ZBTB20: variants seen among roughly 807,000 people sequenced by gnomAD.
The protein encoded by ZBTB20 is zinc finger and BTB domain containing 20.
In ZBTB20, 9 loss-of-function variants were observed where a neutral mutation model predicts 56.9. That is an observed-to-expected ratio of 0.16 (90% CI 0.10 to 0.28). The LOEUF (loss-of-function observed/expected upper bound fraction) is 0.28. ZBTB20 is among the 10% of genes least tolerant of loss of function. ZBTB20 has a pLI of 1.00. For synonymous variants in ZBTB20, 417 were observed against 420.7 expected (o/e 0.99, Z 0.11); for missense variants, 655 against 1,003.0 (o/e 0.65, Z 4.69).
chr3:114,997,917 A>G (rs2079092108), intron 2 of ZBTB20, among the ~76,000 whole-genome samples: 4 of 151,680 alleles, frequency 2.6e-5, no homozygotes, highest in Admixed American at 2.6e-4. Context: ...GAAGGAGCAA[A>G]GGTAGAAAGG....
intron 6 of ZBTB20, among the ~76,000 whole-genome samples, chr3:114,647,324 A>G (rs1019073794): frequency 6.6e-6 from 1 of 152,220 alleles, no homozygotes; most frequent in Non-Finnish European, 1.5e-5. Flanking sequence ...TAAAGGTAAA[A>G]TTATCATAGA....
chr3:114,327,024 A>G lies in ZBTB20; in HGVS notation c.*11981T>C, dbSNP rs760210987. 3 of 152,120 alleles carry G rather than the reference A, an allele frequency of 2.0e-5. No individual in the cohort carries two copies. Among genetic ancestry groups the G allele is most frequent in the Non-Finnish European group, 4.4e-5 (3 of 68,020 alleles). The allele number at this position is 152,120 out of a possible 1,614,324, so 9.4% of individuals were successfully genotyped here. On this transcript the variant is annotated 3_prime_UTR_variant, in exon 12 of 12. Transcript: ENST00000675478. ...GAAAAGAAGAAAAAAAAATCTTCCT[A>G]TCCTCACGAATATATACTATAGTGT...
chr3:115,097,353 A>ATT (rs897508602), intron 1 of ZBTB20, among the ~76,000 whole-genome samples: 1 of 146,882 alleles, frequency 6.8e-6, no homozygotes, highest in Admixed American at 6.8e-5. Flanking sequence ...TAGTTTTTGT[A>ATT]TTTTTTTTTT....
chr3:114,802,724 A>G (rs758314430), intron 4 of ZBTB20, among the ~76,000 whole-genome samples: 3 of 151,906 alleles, frequency 2.0e-5, no homozygotes, highest in African/African-American at 4.8e-5. Flanking sequence ...GAATAACAAT[A>G]ATCTCTGAAA....
At chr3:114,645,317 T>C (rs879459176) in intron 6 of ZBTB20, among the ~76,000 whole-genome samples, 1 of 152,184 alleles carries the variant, frequency 6.6e-6, no homozygotes, top group Non-Finnish European at 1.5e-5. Flanking sequence ...ATAATTACTA[T>C]ATGTGATTAC....
chr3:114,659,033 G>A (rs937565279), intron 6 of ZBTB20, among the ~76,000 whole-genome samples: 1 of 152,172 alleles, frequency 6.6e-6, no homozygotes, highest in East Asian at 1.9e-4. Context: ...CTTCATCCAG[G>A]TTATCTCGTC....
At chr3:114,356,216 T>C (rs1324588293) in intron 10 of ZBTB20, 1 of 151,950 alleles carries the variant, frequency 6.6e-6, no homozygotes, top group Non-Finnish European at 1.5e-5. Flanking sequence ...CTGTGGGGAA[T>C]TGGGGATAGA....
At chr3:114,784,402 C>A (rs912968350) in intron 5 of ZBTB20, among the ~76,000 whole-genome samples, 1 of 152,168 alleles carries the variant, frequency 6.6e-6, no homozygotes, top group African/African-American at 2.4e-5. Context: ...TATAACACTT[C>A]ACCATTGCAC....
intron 7 of ZBTB20, among the ~76,000 whole-genome samples, chr3:114,449,855 G>A (rs550540133): frequency 2.2e-4 from 34 of 152,070 alleles, no homozygotes; most frequent in African/African-American, 6.3e-4. Flanking sequence ...GCAAATTCTC[G>A]TATCCCCAAA....
intron 6 of ZBTB20, among the ~76,000 whole-genome samples, chr3:114,576,135 A>G (rs552546422): frequency 1.5e-4 from 23 of 152,150 alleles, no homozygotes; most frequent in Non-Finnish European, 3.4e-4. Context: ...ACCCTCTACT[A>G]TCCAAAATAA....
intron 2 of ZBTB20, among the ~76,000 whole-genome samples, chr3:115,048,525 ATGTC>A (rs1311777662): frequency 6.6e-6 from 1 of 152,160 alleles, no homozygotes; most frequent in African/African-American, 2.4e-5. Flanking sequence ...CTCAACAGAA[ATGTC>A]TGTCATTTCA....
At chr3:114,780,730 C>G (rs111632739) in intron 5 of ZBTB20, among the ~76,000 whole-genome samples, 1 of 152,330 alleles carries the variant, frequency 6.6e-6, no homozygotes, top group East Asian at 1.9e-4. Context: ...TCATGATCAG[C>G]CCACCTTGGC....
intron 6 of ZBTB20, among the ~76,000 whole-genome samples, chr3:114,593,612 G>A (rs772416069): frequency 2.0e-5 from 3 of 152,046 alleles, no homozygotes; most frequent in Non-Finnish European, 4.4e-5. Flanking sequence ...TCGATCTCTC[G>A]ACCTCTGGTG....
chr3:114,473,061 G>A (rs997221610), intron 7 of ZBTB20, among the ~76,000 whole-genome samples: 8 of 152,166 alleles, frequency 5.3e-5, no homozygotes, highest in African/African-American at 1.9e-4. Flanking sequence ...AGGACTGCGT[G>A]CCTCAACAAG....
rs990195931 is a variant in ZBTB20, at chr3:114,326,024, G to C, written c.*12981C>G. ...GCAGGTGCAGGGGTGTGGGGAAGGA[G>C]AGAGAAGCAATGGGGAAACAGGTGT... On this transcript the variant is annotated 3_prime_UTR_variant, in exon 12 of 12. Transcript: ENST00000675478. 1.3e-5 allele frequency: 2 copies of C among 152,090 alleles called. No individual in the cohort carries two copies. The highest frequency in any genetic ancestry group is 4.8e-5 in the African/African-American group (2 of 41,422). The allele number at this position is 152,090 out of a possible 1,614,324, so 9.4% of individuals were successfully genotyped here.
chr3:114,678,772 T>A (rs2061788977), intron 6 of ZBTB20, among the ~76,000 whole-genome samples: 2 of 152,146 alleles, frequency 1.3e-5, no homozygotes, highest in Non-Finnish European at 2.9e-5. Context: ...CCTCAGAAAG[T>A]TATTATAATT....
intron 3 of ZBTB20, among the ~76,000 whole-genome samples, chr3:114,959,686 A>G (rs1430422291): frequency 6.7e-6 from 1 of 148,400 alleles, no homozygotes; most frequent in Non-Finnish European, 1.5e-5. Context: ...ATGTACACAC[A>G]CACCACACAC....
intron 9 of ZBTB20, 34 bp from the exon 10 acceptor site, chr3:114,380,438 G>T: frequency 6.8e-7 from 1 of 1,478,424 alleles, no homozygotes; most frequent in South Asian, 1.3e-5. Flanking sequence ...TGAAGGAACT[G>T]ACTGCATATT....
intron 4 of ZBTB20, among the ~76,000 whole-genome samples, chr3:114,838,976 A>G (rs1257532485): frequency 6.6e-6 from 1 of 152,164 alleles, no homozygotes; most frequent in Non-Finnish European, 1.5e-5. Context: ...GCACCCCTAT[A>G]AGATGTTATC....
Sources: allele counts gnomAD v4.1 joint callset (sites outside exome capture counted in the v4.1 genomes callset), GRCh38; gene constraint gnomAD v4.1.1; transcripts MANE v1.5; gene names NCBI Gene and HGNC (gene_info 2026-07-23, HGNC 2026-07-21).